The following ZNF708 variants were observed in gnomAD, a reference collection of about 807,000 sequenced individuals.
ZNF708 encodes zinc finger protein 708.
ZNF708 carries 44 observed loss-of-function variants against 47.0 expected under a neutral mutation model. The ratio of observed to expected loss-of-function variants is 0.94; its 90% CI spans 0.74 to 1.20. The LOEUF (loss-of-function observed/expected upper bound fraction) is 1.20, where lower values mean the gene tolerates loss of function less well. Ranked by LOEUF, ZNF708 falls within the 50% of genes most tolerant of loss-of-function variation. ZNF708 has a pLI of 0.00. For missense variants in ZNF708, 557 were observed against 656.0 expected (o/e 0.85, Z 1.65); for synonymous variants, 184 against 218.5 (o/e 0.84, Z 1.39).
chr19:21,312,464 AAAAC>A (rs1401882211), intron 1 of ZNF708, among the ~76,000 whole-genome samples: 1 of 152,126 alleles, frequency 6.6e-6, no homozygotes, highest in Non-Finnish European at 1.5e-5. Flanking sequence ...ACTCCATCTC[AAAAC>A]AAACAAATAC....
In ZNF708 at chr19:21,329,209, C is replaced by T; in HGVS notation, c.3+1G>A. ...CTCGGGATGTCGGACGGCACTCTCA[C>T]CATTTCTAGGCTTCCAGAGGGTCCT... On this transcript the variant is annotated splice_donor_variant, in intron 1 of 3. Coordinates refer to ENST00000356929, the MANE Select transcript of ZNF708 (RefSeq NM_021269.3). LOFTEE classifies it high-confidence loss of function. The T allele has an allele frequency of 6.2e-7, 1 of 1,612,226 alleles. No individual in the cohort carries two copies. Among genetic ancestry groups the T allele is most frequent in the Non-Finnish European group, 8.5e-7 (1 of 1,178,656 alleles).
chr19:21,326,659 G>A (rs529751840), intron 1 of ZNF708, among the ~76,000 whole-genome samples: 15 of 152,288 alleles, frequency 9.8e-5, no homozygotes, highest in South Asian at 6.2e-4. Flanking sequence ...GGCTGGGCGC[G>A]GTGGCTCATG....
intron 1 of ZNF708, 119 bp from the exon 2 acceptor site, chr19:21,310,746 A>T: frequency 1.4e-6 from 1 of 729,350 alleles, no homozygotes; most frequent in Non-Finnish European, 1.9e-6. Flanking sequence ...GAGTGACTGA[A>T]ATTATCCAAT....
Position 21,294,609 on chromosome 19 carries a change from C to T in ZNF708, c.357G>A (p.Lys119=), listed in dbSNP as rs1189462968. ...GTCCCTTGTGACCTCCTTTGTGCAA[C>T]TTATGCTCATCCACACTTTTACAGC... The part of the protein sequence containing the change: ...QKGCKSVDEH[K]LHKGGHKGLN... Residue 119 remains lysine (K), a synonymous_variant, in exon 4 of 4, where the codon AAG becomes AAA. Coordinates refer to ENST00000356929, the MANE Select transcript of ZNF708 (RefSeq NM_021269.3). 1.2e-6 allele frequency: 2 copies of T among 1,613,960 alleles called. No homozygotes were observed. The highest frequency in any genetic ancestry group is 2.2e-5 in the East Asian group (1 of 44,868).
At chr19:21,310,006 A>T (rs1316577279) in intron 2 of ZNF708, among the ~76,000 whole-genome samples, 2 of 152,046 alleles carry the variant, frequency 1.3e-5, no homozygotes, top group Non-Finnish European at 2.9e-5. Context: ...AGTTCAGGTC[A>T]GGGTGAAACA....
chr19:21,325,055 G>T (rs2145190099), intron 1 of ZNF708, among the ~76,000 whole-genome samples: 1 of 152,160 alleles, frequency 6.6e-6, no homozygotes, highest in Admixed American at 6.5e-5. Context: ...TGACACTGAT[G>T]AAAGAAATCA....
chr19:21,294,511 T>C lies in ZNF708; in HGVS notation c.455A>G (p.Tyr152Cys). ...TATCTTATGTCTCTTTGCATTTGAA[T>C]ATTTATGAAAGACTTTCACGTATTT... ...CDKYVKVFHK[Y>C]SNAKRHKIRH... Residue 152 changes from tyrosine to cysteine, a missense_variant, in exon 4 of 4, where the codon TAT (tyrosine) becomes TGT (cysteine). By Grantham distance (194) the Tyr-to-Cys change is radical (BLOSUM62 -2). Coordinates refer to ENST00000356929, the MANE Select transcript of ZNF708 (RefSeq NM_021269.3). 5.0e-6 allele frequency: 8 copies of C among 1,614,114 alleles called. No individual in the cohort carries two copies. The highest frequency in any genetic ancestry group is 5.9e-6 in the Non-Finnish European group (7 of 1,180,000).
Position 21,298,005 on chromosome 19 carries a change from G to A in ZNF708, c.227-3266C>T, listed in dbSNP as rs537250524. 3.3e-5 allele frequency among the ~76,000 whole-genome samples: 5 copies of A among 150,946 alleles called. No homozygotes were observed. In the East Asian group the frequency reaches 5.9e-4, roughly 18 times the overall value. ...TGTGTGTGTGTGTATGTGTACAGAC[G>A]CACATCTCACATGAGGGTTTCAAAT... On this transcript the variant is annotated intron_variant, in intron 3 of 3. Coordinates refer to ENST00000356929, the MANE Select transcript of ZNF708 (RefSeq NM_021269.3).
intron 1 of ZNF708, among the ~76,000 whole-genome samples, chr19:21,327,272 G>A (rs1973277632): frequency 6.6e-6 from 1 of 152,006 alleles, no homozygotes. Flanking sequence ...GCTCACGCCT[G>A]TATTCCCAGC....
intron 1 of ZNF708, among the ~76,000 whole-genome samples, chr19:21,321,622 TGGGGA>T (rs1304863200): frequency 7.0e-5 from 2 of 28,590 alleles, no homozygotes; most frequent in Non-Finnish European, 1.3e-4. Context: ...AGGGAGAGGA[TGGGGA>T]GGGGAGGGGA....
chr19:21,312,887 C>T (rs773910024), intron 1 of ZNF708, among the ~76,000 whole-genome samples: 11 of 152,222 alleles, frequency 7.2e-5, no homozygotes, highest in South Asian at 4.1e-4. Context: ...TTTGCTGGCT[C>T]TTCAAAGTTT....
At chr19:21,296,327 C>T (rs894386048) in intron 3 of ZNF708, among the ~76,000 whole-genome samples, 3 of 151,930 alleles carry the variant, frequency 2.0e-5, no homozygotes, top group Admixed American at 1.3e-4. Context: ...ATGGTGAAAC[C>T]CCGTTTCTAC....
At chr19:21,318,958 A>T (rs2145181624) in intron 1 of ZNF708, among the ~76,000 whole-genome samples, 1 of 152,314 alleles carries the variant, frequency 6.6e-6, no homozygotes, top group Non-Finnish European at 1.5e-5. Context: ...ATTTGGTAGT[A>T]TTTTTTGATA....
intron 1 of ZNF708, among the ~76,000 whole-genome samples, chr19:21,312,293 CAA>C (rs11330288): frequency 2.4e-4 from 36 of 147,600 alleles, no homozygotes; most frequent in Non-Finnish European, 2.7e-4. Context: ...CACTCCATCT[CAA>C]AAAAAAAAAA....
chr19:21,319,704 A>T (rs533092210), intron 1 of ZNF708, among the ~76,000 whole-genome samples: 32 of 152,290 alleles, frequency 2.1e-4, no homozygotes, highest in Admixed American at 1.9e-3. Context: ...AGCATATTTT[A>T]AAAATGCTCA....
intron 3 of ZNF708, among the ~76,000 whole-genome samples, chr19:21,299,779 A>C (rs1188556385): frequency 6.6e-6 from 1 of 152,018 alleles, no homozygotes; most frequent in Non-Finnish European, 1.5e-5. Context: ...TCTCAAAAAA[A>C]AAAAAAAAAA....
In ZNF708 at chr19:21,293,326, A is replaced by C; in HGVS notation, c.1640T>G (p.Leu547Arg). The part of the protein sequence containing the change: ...CGKAFNQSPN[L>R]TKHKRIHTKE... ...GGTATGAATTCTCTTATGTTTAGTA[A>C]GGTTTGGGGACTGGTTAAAGGCTTT... The change falls in exon 4 of 4, where the codon CTT (leucine) becomes CGT (arginine). Residue 547 changes from leucine to arginine, a missense_variant. Physicochemically the swap from Leu to Arg is moderately radical, Grantham distance 102 (BLOSUM62 -2). Coordinates refer to ENST00000356929, the MANE Select transcript of ZNF708 (RefSeq NM_021269.3). The C allele has an allele frequency of 1.9e-6, 3 of 1,612,604 alleles. No individual in the cohort carries two copies. The highest frequency in any genetic ancestry group is 2.5e-6 in the Non-Finnish European group (3 of 1,179,156).
At chr19:21,301,754 A>C (rs1416615472) in intron 3 of ZNF708, among the ~76,000 whole-genome samples, 1 of 152,172 alleles carries the variant, frequency 6.6e-6, no homozygotes, top group Non-Finnish European at 1.5e-5. Flanking sequence ...CCGAGATCAC[A>C]TCACTGCACT....
intron 1 of ZNF708, among the ~76,000 whole-genome samples, chr19:21,322,667 T>C (rs1242758522): frequency 6.6e-6 from 1 of 152,154 alleles, no homozygotes; most frequent in Non-Finnish European, 1.5e-5. Context: ...CACAGGACAA[T>C]GGGCAGTGTG....
Sources: gnomAD v4.1 joint callset for allele counts (sites outside exome capture counted in the v4.1 genomes callset) on GRCh38, gnomAD v4.1.1 for gene constraint, MANE v1.5 for transcripts, NCBI Gene and HGNC (gene_info 2026-07-23, HGNC 2026-07-21) for gene names.